The following PTPRD variants were observed in gnomAD, a reference collection of about 807,000 sequenced individuals.
The protein encoded by PTPRD is protein tyrosine phosphatase receptor type D, also known as receptor-type tyrosine-protein phosphatase delta.
Under a neutral mutation model 214.5 loss-of-function variants are expected in PTPRD, and 34 were observed. That is an observed-to-expected ratio of 0.16 (90% CI 0.12 to 0.21). The LOEUF (loss-of-function observed/expected upper bound fraction) is 0.21, where lower values mean the gene tolerates loss of function less well. Ranked by LOEUF, PTPRD falls within the 10% of genes least tolerant of loss-of-function variation. PTPRD has a pLI of 1.00. For missense variants in PTPRD, 2,545 were observed against 2,398.7 expected (o/e 1.06, Z -1.27); for synonymous variants, 1,128 against 845.7 (o/e 1.33, Z -5.79).
At chr9:10,360,562 C>T (rs908312339) in intron 2 of PTPRD, among the ~76,000 whole-genome samples, 2 of 152,134 alleles carry the variant, frequency 1.3e-5, no homozygotes, top group African/African-American at 4.8e-5. Context: ...AAAGAAGTCA[C>T]GACATGGCAT....
At chr9:9,329,694 T>A (rs1188200118) in intron 9 of PTPRD, among the ~76,000 whole-genome samples, 1 of 152,200 alleles carries the variant, frequency 6.6e-6, no homozygotes, top group Non-Finnish European at 1.5e-5. Flanking sequence ...TACAACAAAC[T>A]AGATGAACAT....
chr9:9,130,945 A>C (rs2099841596), intron 10 of PTPRD, among the ~76,000 whole-genome samples: 1 of 152,228 alleles, frequency 6.6e-6, no homozygotes, highest in East Asian at 1.9e-4. Flanking sequence ...TTAGTAAAAT[A>C]ACTAATTCTA....
chr9:8,505,576 C>T (rs1253351228), intron 22 of PTPRD, among the ~76,000 whole-genome samples: 2 of 141,872 alleles, frequency 1.4e-5, no homozygotes, highest in African/African-American at 2.6e-5. Context: ...GAGCAGAGAT[C>T]GCGCCACTGC....
At chr9:8,325,805 TA>T (rs72547106) in intron 44 of PTPRD, among the ~76,000 whole-genome samples, 67,650 of 151,880 alleles carry the variant, frequency 0.45, 19,446 homozygotes, top group African/African-American at 0.81. Context: ...CATTCCTTGT[TA>T]AGTTGGACTC....
intron 4 of PTPRD, among the ~76,000 whole-genome samples, chr9:10,009,269 G>A (rs1037056167): frequency 3.3e-5 from 5 of 151,904 alleles, no homozygotes; most frequent in Non-Finnish European, 7.4e-5. Context: ...AGTGACCGAG[G>A]CTCAAAGTAC....
intron 5 of PTPRD, among the ~76,000 whole-genome samples, chr9:9,778,056 C>T (rs528396030): frequency 4.1e-4 from 63 of 152,246 alleles, no homozygotes; most frequent in Non-Finnish European, 7.8e-4. Context: ...GCTGAAGAGA[C>T]GCAGCTAGGA....
chr9:9,864,990 TTATCTC>T (rs900494700), intron 5 of PTPRD, among the ~76,000 whole-genome samples: 96 of 152,262 alleles, frequency 6.3e-4, no homozygotes, highest in African/African-American at 2.2e-3. Flanking sequence ...ATTAAATAGA[TTATCTC>T]TATATTAAAA....
intron 6 of PTPRD, among the ~76,000 whole-genome samples, chr9:9,761,582 G>T (rs889132879): frequency 7.2e-5 from 11 of 152,120 alleles, no homozygotes; most frequent in African/African-American, 2.4e-4. Flanking sequence ...AATATTGGGG[G>T]TTTATCTCAA....
At chr9:8,668,901 T>C (rs1314157658) in intron 12 of PTPRD, among the ~76,000 whole-genome samples, 3 of 152,164 alleles carry the variant, frequency 2.0e-5, no homozygotes, top group African/African-American at 7.2e-5. Context: ...ATTACATACC[T>C]TGAGCTCAGA....
chr9:10,069,360 C>T (rs2097948912), intron 3 of PTPRD, among the ~76,000 whole-genome samples: 1 of 151,966 alleles, frequency 6.6e-6, no homozygotes, highest in African/African-American at 2.4e-5. Context: ...TGAGCACCTG[C>T]AGGAATCAGG....
chr9:9,971,253 C>G (rs1163099339), intron 4 of PTPRD, among the ~76,000 whole-genome samples: 1 of 152,046 alleles, frequency 6.6e-6, no homozygotes, highest in Non-Finnish European at 1.5e-5. Flanking sequence ...GAGTGGTTAT[C>G]AAAAGCAGCT....
At chr9:8,951,567 G>A (rs907251692) in intron 11 of PTPRD, among the ~76,000 whole-genome samples, 2 of 151,724 alleles carry the variant, frequency 1.3e-5, no homozygotes, top group African/African-American at 4.8e-5. Flanking sequence ...CCAAATTCTT[G>A]ATCTTCCATC....
chr9:9,396,608 C>T (rs1399417156), intron 9 of PTPRD, among the ~76,000 whole-genome samples: 3 of 151,998 alleles, frequency 2.0e-5, no homozygotes, highest in Non-Finnish European at 4.4e-5. Context: ...TGCCAACCAG[C>T]TCCCACTCTG....
chr9:9,304,343 T>A (rs904167897), intron 9 of PTPRD, among the ~76,000 whole-genome samples: 9 of 152,268 alleles, frequency 5.9e-5, no homozygotes, highest in African/African-American at 2.2e-4. Flanking sequence ...TCAAAGAACA[T>A]GACATTTGAG....
intron 2 of PTPRD, among the ~76,000 whole-genome samples, chr9:10,470,365 G>A (rs1477292562): frequency 6.6e-6 from 1 of 152,074 alleles, no homozygotes; most frequent in Non-Finnish European, 1.5e-5. Context: ...CCATTATATA[G>A]CTAAAGTAGA....
At chr9:9,277,815 A>AAT (rs1946237894) in intron 9 of PTPRD, among the ~76,000 whole-genome samples, 2 of 151,364 alleles carry the variant, frequency 1.3e-5, no homozygotes, top group Non-Finnish European at 3.0e-5. Flanking sequence ...TCTCAAACTA[A>AAT]ACTTTATAAA....
Position 8,339,121 on chromosome 9 carries a change from C to A in PTPRD, c.5254-74G>T, listed in dbSNP as rs934133840. 8 of 1,354,756 alleles carry A rather than the reference C, an allele frequency of 5.9e-6. No individual in the cohort carries two copies. In the African/African-American group the frequency reaches 1.2e-4, roughly 20 times the overall value. The allele number at this position is 1,354,756 out of a possible 1,614,324, so 83.9% of individuals were successfully genotyped here. A position where few individuals can be genotyped will look rare whatever the true frequency, so the allele number is the denominator to read the frequency against. On this transcript the variant is annotated intron_variant, in intron 42 of 45. Transcript: ENST00000381196. ...TTCTGTATATTATCTATCTATCTAT[C>A]TAATCTATCTAATTTCCTTATCCCA...
intron 11 of PTPRD, among the ~76,000 whole-genome samples, chr9:8,789,205 C>G (rs2096122595): frequency 6.6e-6 from 1 of 152,040 alleles, no homozygotes; most frequent in Non-Finnish European, 1.5e-5. Context: ...AATGCTTCTA[C>G]TAATGAATTG....
At chr9:9,189,607 T>C (rs1300724790) in intron 9 of PTPRD, among the ~76,000 whole-genome samples, 1 of 152,088 alleles carries the variant, frequency 6.6e-6, no homozygotes, top group Non-Finnish European at 1.5e-5. Flanking sequence ...ACTGTCTATA[T>C]GGTTATCTCT....
Sources: allele counts gnomAD v4.1 joint callset (sites outside exome capture counted in the v4.1 genomes callset), GRCh38; gene constraint gnomAD v4.1.1; transcripts MANE v1.5; gene names NCBI Gene and HGNC (gene_info 2026-07-23, HGNC 2026-07-21).